Variants in C5 observed in about 807,000 individuals in gnomAD.
C5 encodes the protein complement C5.
A neutral mutation model predicts 218.8 loss-of-function variants in C5; 140 were observed. The observed-to-expected ratio is 0.64, with a 90% confidence interval of 0.56 to 0.74. C5 has a LOEUF of 0.74. Ranked by LOEUF, C5 falls within the 30% of genes least tolerant of loss-of-function variation. C5 has a pLI of 0.00. For synonymous variants in C5, 614 were observed against 682.3 expected, an observed-to-expected ratio of 0.90 and a Z score of 1.56; for missense variants, 1,700 against 1,969.6, an observed-to-expected ratio of 0.86 and a Z score of 2.59.
the C5 span, among the ~76,000 whole-genome samples, chr9:121,061,434 G>A: frequency 2.6e-5 from 4 of 152,048 alleles, no homozygotes; most frequent in Admixed American, 6.5e-5. Context: ...CTGAAACCCC[G>A]CTACTTGGGG....
At chr9:120,955,880 GA>G (rs971795739) in intron 39 of C5, among the ~76,000 whole-genome samples, 1 of 150,520 alleles carries the variant, frequency 6.6e-6, no homozygotes, top group African/African-American at 2.4e-5. Flanking sequence ...CGTCTCAAAA[GA>G]AAAAAAATCA....
In C5 at chr9:120,953,807, G is replaced by T. The variant is rs762688981; in HGVS notation, c.4824C>A (p.Asn1608Lys). Residue 1608 changes from asparagine (N) to lysine (K), a missense_variant, in exon 40 of 41, where the codon AAC becomes AAA. Physicochemically the swap from Asn to Lys is moderately conservative, Grantham distance 94. Coordinates refer to ENST00000223642, the MANE Select transcript of C5 (RefSeq NM_001735.3). ...ACTGTCTTCCTTTTACCAGCTCAGC[G>T]TTAGTACAGGTTACCTTTTTAATGA... The part of the protein sequence containing the change: ...ITFIKKVTCT[N>K]AELVKGRQYL... The T allele has an allele frequency of 2.3e-5, 37 of 1,613,616 alleles. No individual in the cohort carries two copies. The East Asian group carries it at 5.6e-4, about 24-fold the overall frequency.
intron 40 of C5, 78 bp from the exon 41 acceptor site, chr9:120,952,946 CG>C: frequency 6.6e-7 from 1 of 1,513,536 alleles, no homozygotes; most frequent in South Asian, 1.1e-5. Flanking sequence ...TTTTTTGAGA[CG>C]GAGTCTTGCT....
intron 28 of C5, among the ~76,000 whole-genome samples, chr9:120,978,576 T>C (rs1341001093): frequency 1.3e-5 from 2 of 152,328 alleles, no homozygotes; most frequent in Middle Eastern, 3.4e-3. Flanking sequence ...TGTTAAAATA[T>C]AGTAATTTTA....
At position 121,046,384 on chromosome 9, in the gene C5, C is replaced by A; in HGVS notation, c.66-1G>T. 4 of 1,607,464 alleles carry A rather than the reference C, an allele frequency of 2.5e-6. No individual in the cohort carries two copies. The highest frequency in any genetic ancestry group is 3.4e-6 in the Non-Finnish European group (4 of 1,174,448). On this transcript the variant is annotated splice_acceptor_variant, in intron 1 of 40. Coordinates refer to ENST00000223642, the MANE Select transcript of C5 (RefSeq NM_001735.3). LOFTEE classifies it high-confidence loss of function. ...TATTTTTGGTGCTGAAATGACATAT[C>A]TGTTGAAAAAGGAAAAGATAAGGCT...
chr9:121,071,584 C>T, the C5 span, among the ~76,000 whole-genome samples: 1 of 151,988 alleles, frequency 6.6e-6, no homozygotes, highest in African/African-American at 2.4e-5. Flanking sequence ...ATTTGGGAGG[C>T]TGAGGGAGGA....
At chr9:121,009,607 T>C (rs2047245023) in intron 17 of C5, among the ~76,000 whole-genome samples, 2 of 152,224 alleles carry the variant, frequency 1.3e-5, no homozygotes, top group African/African-American at 2.4e-5. Flanking sequence ...GATGGCTGAA[T>C]AGAAGCCTAC....
chr9:121,013,871 A>G lies in C5; in HGVS notation c.2257+2T>C, dbSNP rs994796175. On this transcript the variant is annotated splice_donor_variant, in intron 17 of 40. Coordinates refer to ENST00000223642, the MANE Select transcript of C5 (RefSeq NM_001735.3). LOFTEE classifies it high-confidence loss of function. ...AATTCTGATAGAAAATGTCATACTTACGTAGCCTTCCCAATTGCATGTCTT... is the reference window on the plus strand; with the variant it reads ...AATTCTGATAGAAAATGTCATACTTGCGTAGCCTTCCCAATTGCATGTCTT... 1 of 1,613,148 alleles carries G rather than the reference A, an allele frequency of 6.2e-7. No individual in the cohort carries two copies. The highest frequency in any genetic ancestry group is 1.3e-5 in the African/African-American group (1 of 75,010).
intron 20 of C5, among the ~76,000 whole-genome samples, chr9:121,004,721 G>T (rs10760137): frequency 6.6e-6 from 1 of 151,652 alleles, no homozygotes; most frequent in African/African-American, 2.4e-5. Context: ...TGCAGTGAGC[G>T]GAGATCGCAC....
At chr9:121,015,159 T>C (rs754706728) in intron 16 of C5, 40 bp downstream of exon 16, 3 of 1,302,472 alleles carry the variant, frequency 2.3e-6, no homozygotes, top group Middle Eastern at 1.8e-4. Flanking sequence ...TTGAATGATA[T>C]GACCATAACC....
chr9:121,035,882 C>T (rs1328698956), intron 4 of C5, among the ~76,000 whole-genome samples: 6 of 151,748 alleles, frequency 4.0e-5, no homozygotes. Flanking sequence ...GACCAGCCTA[C>T]AAAAAAATGT....
intron 7 of C5, among the ~76,000 whole-genome samples, chr9:121,028,522 G>A (rs187091024): frequency 6.6e-6 from 1 of 152,226 alleles, no homozygotes; most frequent in Non-Finnish European, 1.5e-5. Context: ...GCATAAAAAA[G>A]GATGAGTTCA....
At chr9:121,033,801 G>A (rs527347936) in intron 5 of C5, among the ~76,000 whole-genome samples, 47 of 152,288 alleles carry the variant, frequency 3.1e-4, no homozygotes, top group Non-Finnish European at 6.2e-4. Flanking sequence ...AAATTCTAGT[G>A]CAGCCATGTA....
At chr9:121,036,742 C>T (rs931929029) in intron 4 of C5, among the ~76,000 whole-genome samples, 12 of 152,212 alleles carry the variant, frequency 7.9e-5, no homozygotes, top group African/African-American at 2.9e-4. Context: ...CCCACTCTCA[C>T]CTCTCATTGG....
In C5 at chr9:120,981,952, A is replaced by T. The variant is rs1438177822; in HGVS notation, c.3391-13T>A. ...CAGGCAAGGTACCCTAAAAAGAAGC[A>T]ATGTTTTAAAAGGGGAGTGAAATGG... On this transcript the variant is annotated splice_polypyrimidine_tract_variant and intron_variant, in intron 26 of 40. Coordinates refer to ENST00000223642, the MANE Select transcript of C5 (RefSeq NM_001735.3). 2 of 1,579,360 alleles carry T rather than the reference A, an allele frequency of 1.3e-6. No individual in the cohort carries two copies. Among genetic ancestry groups the T allele is most frequent in the Non-Finnish European group, 1.7e-6 (2 of 1,148,556 alleles).
chr9:121,020,218 T>C, intron 11 of C5, 39 bp from the exon 12 acceptor site: 1 of 1,341,948 alleles, frequency 7.5e-7, no homozygotes, highest in Non-Finnish European at 1.1e-6. Flanking sequence ...TATACTGTGA[T>C]GTAATGCTTT....
In C5 at chr9:120,952,835, A is replaced by C. The variant is rs769270167; in HGVS notation, c.4935T>G (p.Ile1645Met). ...YIYPLDSLTW[I>M]EYWPRDTTCS... ...ATGTTGTGTCTCTAGGCCAGTATTCAATCCAGGTCAAGGAATCTAAAGGGT... is the reference window on the plus strand; with the variant it reads ...ATGTTGTGTCTCTAGGCCAGTATTCCATCCAGGTCAAGGAATCTAAAGGGT... Residue 1645 changes from isoleucine (I) to methionine (M), a missense_variant, in exon 41 of 41, where the codon ATT becomes ATG. Physicochemically the swap from Ile to Met is conservative, Grantham distance 10. Transcript: ENST00000223642. 1.9e-6 allele frequency: 3 copies of C among 1,614,044 alleles called. No individual in the cohort carries two copies. The South Asian group carries it at 3.3e-5, about 18-fold the overall frequency.
At chr9:120,972,657 C>T (rs967187173) in intron 30 of C5, among the ~76,000 whole-genome samples, 1 of 152,176 alleles carries the variant, frequency 6.6e-6, no homozygotes, top group Non-Finnish European at 1.5e-5. Context: ...TTCTCCTCTC[C>T]AGAGAAACTC....
At chr9:121,056,117 A>G in the C5 span, among the ~76,000 whole-genome samples, 2 of 152,230 alleles carry the variant, frequency 1.3e-5, no homozygotes, top group African/African-American at 4.8e-5. Context: ...GAATTCTTGG[A>G]AAACCTTCTC....
Sources: allele counts gnomAD v4.1 joint callset (sites outside exome capture counted in the v4.1 genomes callset), GRCh38; gene constraint gnomAD v4.1.1; transcripts MANE v1.5; gene names NCBI Gene and HGNC (gene_info 2026-07-23, HGNC 2026-07-21).